The following SGCZ variants were observed in gnomAD, a reference collection of about 807,000 sequenced individuals.
The protein encoded by SGCZ is zeta-sarcoglycan.
In SGCZ, 40 loss-of-function variants were observed where a neutral mutation model predicts 41.3. The observed-to-expected ratio is 0.97, with a 90% CI of 0.75 to 1.26. The LOEUF is 1.26. Among genes scored for constraint, SGCZ ranks in the 50% most tolerant of loss-of-function variants. SGCZ has a pLI of 0.00. For synonymous variants in SGCZ, 206 were observed against 137.5 expected (o/e 1.50, Z -3.49); for missense variants, 552 against 369.8 (o/e 1.49, Z -4.04).
At chr8:14,930,632 T>C (rs927714761) in intron 1 of SGCZ, among the ~76,000 whole-genome samples, 16 of 152,108 alleles carry the variant, frequency 1.1e-4, no homozygotes, top group African/African-American at 3.4e-4. Flanking sequence ...GTGGCACATA[T>C]ACACCATGGA....
chr8:14,225,633 T>A (rs143174156), intron 4 of SGCZ, among the ~76,000 whole-genome samples: 1 of 152,084 alleles, frequency 6.6e-6, no homozygotes, highest in East Asian at 1.9e-4. Flanking sequence ...CACATATATG[T>A]GATATGCTAA....
chr8:14,652,284 TGAGCCAA>T (rs1466244328), intron 1 of SGCZ, among the ~76,000 whole-genome samples: 1 of 119,760 alleles, frequency 8.4e-6, no homozygotes, highest in Non-Finnish European at 1.6e-5. Flanking sequence ...GAGGTTGCGG[TGAGCCAA>T]GATCATGTCA....
chr8:15,073,407 A>G (rs1805423127), intron 1 of SGCZ, among the ~76,000 whole-genome samples: 1 of 152,192 alleles, frequency 6.6e-6, no homozygotes. Context: ...ACAAATCCTG[A>G]GTAACAATTC....
At chr8:15,006,589 G>C (rs995893742) in intron 1 of SGCZ, among the ~76,000 whole-genome samples, 2 of 152,090 alleles carry the variant, frequency 1.3e-5, no homozygotes, top group Non-Finnish European at 2.9e-5. Flanking sequence ...CTGCTCAAAA[G>C]TCCCCCAAAA....
At chr8:14,686,556 A>G (rs1285588747) in intron 1 of SGCZ, among the ~76,000 whole-genome samples, 1 of 151,958 alleles carries the variant, frequency 6.6e-6, no homozygotes, top group Non-Finnish European at 1.5e-5. Context: ...TGGGAGGAGG[A>G]TAGAGATGGG....
chr8:14,183,764 G>C (rs746372437), intron 4 of SGCZ, among the ~76,000 whole-genome samples: 1 of 152,122 alleles, frequency 6.6e-6, no homozygotes, highest in Non-Finnish European at 1.5e-5. Context: ...TAAGAAAGGA[G>C]AAAACAATGC....
At chr8:14,276,557 T>C (rs1246348844) in intron 3 of SGCZ, among the ~76,000 whole-genome samples, 1 of 152,170 alleles carries the variant, frequency 6.6e-6, no homozygotes, top group East Asian at 1.9e-4. Context: ...CACTGGACTC[T>C]GCTCTCTCCA....
At chr8:14,293,656 T>C (rs1800917853) in intron 3 of SGCZ, among the ~76,000 whole-genome samples, 1 of 151,922 alleles carries the variant, frequency 6.6e-6, no homozygotes, top group Admixed American at 6.6e-5. Flanking sequence ...AATGCAAGGT[T>C]CATAAGGTTA....
At chr8:14,130,145 A>C (rs894557090) in intron 5 of SGCZ, among the ~76,000 whole-genome samples, 2 of 152,230 alleles carry the variant, frequency 1.3e-5, no homozygotes, top group African/African-American at 4.8e-5. Context: ...AGGCCAATAG[A>C]ATAAAATTGA....
chr8:14,601,774 C>T (rs1241258033), intron 1 of SGCZ, among the ~76,000 whole-genome samples: 3 of 152,122 alleles, frequency 2.0e-5, no homozygotes, highest in African/African-American at 7.2e-5. Flanking sequence ...CTTTTTTGTT[C>T]CAAGTTGTAT....
At chr8:14,756,806 G>T (rs1448492106) in intron 1 of SGCZ, among the ~76,000 whole-genome samples, 1 of 152,100 alleles carries the variant, frequency 6.6e-6, no homozygotes, top group Admixed American at 6.6e-5. Flanking sequence ...ATATATCTAG[G>T]ATTGTTCTGA....
At chr8:15,019,544 G>A (rs1803174569) in intron 1 of SGCZ, among the ~76,000 whole-genome samples, 1 of 151,994 alleles carries the variant, frequency 6.6e-6, no homozygotes, top group Non-Finnish European at 1.5e-5. Flanking sequence ...TAGGCCTGAG[G>A]GATCAGTCCC....
At position 14,090,873 on chromosome 8, in the gene SGCZ, A is replaced by C. The variant is rs147648229; in HGVS notation, c.745-236T>G. On this transcript the variant is annotated intron_variant, in intron 7 of 7. Transcript: ENST00000382080. ...CTGACAGAAAGCCCTCAATCTGAAA[A>C]GCAACATCATACAATACGCTTAAGG... Among the ~76,000 whole-genome samples the C allele has an allele frequency of 6.6e-5, 10 of 152,098 alleles. 1 individual carries two copies. Among genetic ancestry groups the C allele is most frequent in the Admixed American group, 5.9e-4 (9 of 15,250 alleles).
In SGCZ at chr8:14,102,431, C is replaced by A. The variant is rs756083712; in HGVS notation, c.689G>T (p.Gly230Val). Residue 230 changes from glycine to valine, a missense_variant, in exon 7 of 8, where the codon GGA (glycine) becomes GTA (valine). By Grantham distance (109) the Gly-to-Val change is moderately radical. Transcript: ENST00000382080. ...PRGVQVSAAA[G>V]DFKATCRKEL... is the part of the protein sequence containing the mutation. ...CTTCCTGCAGGTGGCCTTGAAGTCT[C>A]CTGCAGCAGCACTCACCTGGACCCC... 1 of 1,537,336 alleles carries A rather than the reference C, an allele frequency of 6.5e-7. No individual in the cohort carries two copies. Among genetic ancestry groups the A allele is most frequent in the Admixed American group, 1.8e-5 (1 of 57,080 alleles).
intron 2 of SGCZ, among the ~76,000 whole-genome samples, chr8:14,340,860 G>C (rs2117077229): frequency 6.6e-6 from 1 of 152,186 alleles, no homozygotes; most frequent in Non-Finnish European, 1.5e-5. Context: ...TCACAATGCT[G>C]AGTAACCATC....
intron 1 of SGCZ, among the ~76,000 whole-genome samples, chr8:15,016,890 T>C (rs778426897): frequency 3.4e-4 from 52 of 151,696 alleles, no homozygotes; most frequent in Non-Finnish European, 6.3e-4. Context: ...GAGAGAGAAA[T>C]GATGTGCCAG....
chr8:14,096,969 G>T lies in SGCZ; in HGVS notation c.744+5407C>A, dbSNP rs1482001549. Reference sequence around the variant, plus strand: ...GATATCCCCTTCATCATTTTTTATTGCATCTATTTGATTCTTCTCTCTTTC... The same window carrying T: ...GATATCCCCTTCATCATTTTTTATTTCATCTATTTGATTCTTCTCTCTTTC... On this transcript the variant is annotated intron_variant, in intron 7 of 7. Transcript: ENST00000382080. Among the ~76,000 whole-genome samples, 3 of 151,990 alleles carry T rather than the reference G, an allele frequency of 2.0e-5. No homozygotes were observed. The East Asian group carries it at 5.8e-4, about 29-fold the overall frequency.
intron 2 of SGCZ, among the ~76,000 whole-genome samples, chr8:14,348,122 A>G (rs1802954984): frequency 6.6e-6 from 1 of 152,028 alleles, no homozygotes; most frequent in African/African-American, 2.4e-5. Context: ...GTTCATCTGC[A>G]ACTCAGCTGT....
At chr8:15,006,351 A>C (rs1802606329) in intron 1 of SGCZ, among the ~76,000 whole-genome samples, 1 of 152,292 alleles carries the variant, frequency 6.6e-6, no homozygotes, top group African/African-American at 2.4e-5. Context: ...ATCCCTTGGT[A>C]CTGAAGCAAA....
Sources: allele counts gnomAD v4.1 joint callset (sites outside exome capture counted in the v4.1 genomes callset), GRCh38; gene constraint gnomAD v4.1.1; transcripts MANE v1.5; gene names NCBI Gene and HGNC (gene_info 2026-07-23, HGNC 2026-07-21).